LRRTM4: variants seen among roughly 807,000 people sequenced by gnomAD.
LRRTM4 encodes leucine rich repeat transmembrane neuronal 4, also known as leucine-rich repeat transmembrane neuronal protein 4.
Under a neutral mutation model 47.6 loss-of-function variants are expected in LRRTM4, and 25 were observed. The observed-to-expected ratio is 0.53, with a 90% CI of 0.38 to 0.73. The LOEUF (loss-of-function observed/expected upper bound fraction) is 0.73. LRRTM4 is among the 30% of genes least tolerant of loss of function. The probability of loss-of-function intolerance (pLI) is 0.00; values close to 1 mark genes in which losing one functional copy is unlikely to be tolerated. For synonymous variants in LRRTM4, 311 were observed against 269.5 expected (o/e 1.15, Z -1.51); for missense variants, 638 against 713.4 (o/e 0.89, Z 1.20).
chr2:77,012,269 T>C (rs1677902983), intron 3 of LRRTM4, among the ~76,000 whole-genome samples: 2 of 152,118 alleles, frequency 1.3e-5, no homozygotes, highest in Admixed American at 1.3e-4. Context: ...TATTTTCAAA[T>C]AACATTATTA....
rs116718550 is a variant in LRRTM4 at position 77,200,996 on chromosome 2, G to A, written c.1551+317322C>T. ...CCTGCGGCAAAGTCCCTTTTAAATC[G>A]GACAAGGCAAGTGTACGTAAGCCAG... On this transcript the variant is annotated intron_variant, in intron 3 of 3. Coordinates refer to ENST00000409884, the MANE Select transcript of LRRTM4 (RefSeq NM_001134745.3). 8.5e-3 allele frequency among the ~76,000 whole-genome samples: 1,291 copies of A among 152,120 alleles called. 7 individuals carry two copies. The highest frequency in any genetic ancestry group is 0.013 in the Non-Finnish European group (877 of 68,000).
In LRRTM4 at chr2:77,276,825, GA is replaced by G. The variant is rs200692334; in HGVS notation, c.1551+241492del. 9.9e-3 allele frequency among the ~76,000 whole-genome samples: 1,488 copies of G among 150,092 alleles called. 44 individuals are homozygous for G. In the East Asian group the frequency reaches 0.1, roughly 10 times the overall value. ...GCTTAGAAGGAAGAACAGAGAAACTGAAACTTTTGTCTTCTAGCGTTCAGAA... is the reference window on the plus strand; with the variant it reads ...GCTTAGAAGGAAGAACAGAGAAACTGAACTTTTGTCTTCTAGCGTTCAGAA... On this transcript the variant is annotated intron_variant, in intron 3 of 3. Coordinates refer to ENST00000409884, the MANE Select transcript of LRRTM4 (RefSeq NM_001134745.3).
At chr2:77,407,850 C>T (rs956980487) in intron 3 of LRRTM4, among the ~76,000 whole-genome samples, 1 of 150,660 alleles carries the variant, frequency 6.6e-6, no homozygotes, top group Admixed American at 6.7e-5. Context: ...AACAGTCTTG[C>T]TCAGGTCATG....
chr2:77,244,973 T>A (rs964052747), intron 3 of LRRTM4, among the ~76,000 whole-genome samples: 2 of 152,112 alleles, frequency 1.3e-5, no homozygotes, highest in African/African-American at 4.8e-5. Flanking sequence ...TAAAGTCTTA[T>A]GAGAGATTTT....
intron 3 of LRRTM4, among the ~76,000 whole-genome samples, chr2:76,925,018 C>A (rs556454590): frequency 3.3e-5 from 5 of 152,144 alleles, no homozygotes; most frequent in African/African-American, 9.6e-5. Context: ...TAACTTACAT[C>A]TAAACATAAA....
intron 3 of LRRTM4, among the ~76,000 whole-genome samples, chr2:77,283,615 A>G (rs1053915557): frequency 3.0e-4 from 45 of 152,222 alleles, no homozygotes; most frequent in Non-Finnish European, 5.7e-4. Flanking sequence ...TATGGTTCAT[A>G]TACACCATGG....
At chr2:76,849,661 CAAAT>C (rs1671935261) in intron 3 of LRRTM4, among the ~76,000 whole-genome samples, 2 of 151,946 alleles carry the variant, frequency 1.3e-5, no homozygotes, top group South Asian at 4.1e-4. Flanking sequence ...TCTTCCTTAA[CAAAT>C]AAATTCCAAA....
Position 77,519,722 on chromosome 2 carries a change from A to T in LRRTM4, c.147T>A (p.Ser49=), listed in dbSNP as rs1043291655. 1 of 1,613,416 alleles carries T rather than the reference A, an allele frequency of 6.2e-7. No individual in the cohort carries two copies. Among genetic ancestry groups the T allele is most frequent in the Non-Finnish European group, 8.5e-7 (1 of 1,179,588 alleles). The change falls in exon 3 of 4, where the codon TCT becomes TCA. Residue 49 remains serine, a synonymous_variant. Coordinates refer to ENST00000409884, the MANE Select transcript of LRRTM4 (RefSeq NM_001134745.3). The surrounding 1 kb of genome is among the most constrained non-coding windows in gnomAD (Gnocchi z 4.6). ...RCDGKIVYCE[S]HAFADIPENI... is the part of the protein sequence containing the mutation. ...TCTCAGGGATATCTGCGAAAGCATG[A>T]GACTCACAGTACACAATTTTGCCAT...
At chr2:77,366,250 A>C (rs1429307059) in intron 3 of LRRTM4, among the ~76,000 whole-genome samples, 1 of 151,846 alleles carries the variant, frequency 6.6e-6, no homozygotes, top group Non-Finnish European at 1.5e-5. Flanking sequence ...TCATTTGACA[A>C]TACTCCACTT....
At chr2:76,989,243 C>T (rs1676918097) in intron 3 of LRRTM4, among the ~76,000 whole-genome samples, 1 of 151,774 alleles carries the variant, frequency 6.6e-6, no homozygotes, top group South Asian at 2.1e-4. Flanking sequence ...ATTTAATAAT[C>T]TATTTAATAT....
intron 3 of LRRTM4, among the ~76,000 whole-genome samples, chr2:77,469,114 C>T (rs17751641): frequency 0.033 from 5,031 of 152,280 alleles, 119 homozygotes; most frequent in Non-Finnish European, 0.053. Context: ...GGATAGAAGA[C>T]ATTGAGGAAA....
In LRRTM4 at chr2:77,521,637, G is replaced by T. The variant is rs752371311; in HGVS notation, c.4+31C>A. On this transcript the variant is annotated intron_variant, in intron 2 of 3. Transcript: ENST00000409884. The stretch of plus-strand genomic sequence containing the variant: ...ATAGGAAGCCAAGAGGATCAGCTTT[G>T]CTCAGAAGGAAACAACAAAAGTTCA... The T allele has an allele frequency of 2.5e-6, 4 of 1,611,984 alleles. No individual in the cohort carries two copies. In the South Asian group the frequency reaches 4.4e-5, roughly 18 times the overall value.
chr2:77,362,165 GAAA>G (rs1340682681), intron 3 of LRRTM4, among the ~76,000 whole-genome samples: 28 of 151,576 alleles, frequency 1.8e-4, no homozygotes, highest in Middle Eastern at 3.4e-3. Flanking sequence ...AAGAAAGAAA[GAAA>G]GAAAGGAAGG....
At chr2:77,124,058 G>C (rs1184741016) in intron 3 of LRRTM4, among the ~76,000 whole-genome samples, 2 of 151,748 alleles carry the variant, frequency 1.3e-5, no homozygotes, top group African/African-American at 4.9e-5. Flanking sequence ...GAGTGAAGTA[G>C]TGATCTACTC....
At chr2:77,043,402 A>G (rs1252156514) in intron 3 of LRRTM4, among the ~76,000 whole-genome samples, 3 of 151,792 alleles carry the variant, frequency 2.0e-5, no homozygotes, top group South Asian at 2.1e-4. Context: ...TCCTCCAACT[A>G]TAACACAACA....
At chr2:77,128,149 A>AAAAAC (rs1671700917) in intron 3 of LRRTM4, among the ~76,000 whole-genome samples, 1 of 151,488 alleles carries the variant, frequency 6.6e-6, no homozygotes, top group Non-Finnish European at 1.5e-5. Flanking sequence ...TCTCAAAAAA[A>AAAAAC]AAAACAAAAC....
At position 77,518,466 on chromosome 2, in the gene LRRTM4, T is replaced by C. The variant is rs1558780887; in HGVS notation, c.1403A>G (p.Lys468Arg). The C allele has an allele frequency of 1.2e-6, 2 of 1,613,418 alleles. No individual in the cohort carries two copies. Among genetic ancestry groups the C allele is most frequent in the Non-Finnish European group, 1.7e-6 (2 of 1,179,606 alleles). Residue 468 changes from lysine (K) to arginine (R), a missense_variant, in exon 3 of 4, where the codon AAA becomes AGA. Physicochemically the swap from Lys to Arg is conservative, Grantham distance 26. Transcript: ENST00000409884. ...QQHSLMKRRRKKARESERQMN... is the reference protein window; with the variant it reads ...QQHSLMKRRRRKARESERQMN... ...TTGTCTTTCAGACTCTCTGGCCTTT[T>C]TCCGCCGCCTCTTCATAAGAGAGTG... is the stretch of plus-strand genomic sequence containing the variant.
At chr2:76,802,431 T>C (rs1212837998) in intron 3 of LRRTM4, among the ~76,000 whole-genome samples, 1 of 151,978 alleles carries the variant, frequency 6.6e-6, no homozygotes, top group Non-Finnish European at 1.5e-5. Context: ...AAGATCTATA[T>C]ACTGAAAACA....
chr2:76,810,791 A>C (rs1053004656), intron 3 of LRRTM4, among the ~76,000 whole-genome samples: 1 of 152,166 alleles, frequency 6.6e-6, no homozygotes, highest in Non-Finnish European at 1.5e-5. Flanking sequence ...TTGGCTAAAC[A>C]ATAAAAGCAT....
Sources: gnomAD v4.1 joint callset for allele counts (sites outside exome capture counted in the v4.1 genomes callset) on GRCh38, gnomAD v4.1.1 for gene constraint, Gnocchi (gnomAD v3.1) non-coding constraint, MANE v1.5 for transcripts, NCBI Gene and HGNC (gene_info 2026-07-23, HGNC 2026-07-21) for gene names.